SLC16A9: variants seen among roughly 807,000 people sequenced by gnomAD.
SLC16A9 encodes the protein solute carrier family 16 member 9, also known as monocarboxylate transporter 9.
SLC16A9 carries 26 observed loss-of-function variants against 44.3 expected under a neutral mutation model. That is an observed-to-expected ratio of 0.59 (90% confidence interval 0.43 to 0.81). The LOEUF (loss-of-function observed/expected upper bound fraction) is 0.81. Among genes scored for constraint, SLC16A9 ranks in the 40% least tolerant of loss-of-function variants. SLC16A9 has a pLI of 0.00. For synonymous variants in SLC16A9, 230 were observed against 225.1 expected, an observed-to-expected ratio of 1.02 and a Z score of -0.19; for missense variants, 559 against 595.8, an observed-to-expected ratio of 0.94 and a Z score of 0.64.
At chr10:59,676,446 T>C (rs1839858902) in intron 2 of SLC16A9, among the ~76,000 whole-genome samples, 1 of 152,194 alleles carries the variant, frequency 6.6e-6, no homozygotes, top group South Asian at 2.1e-4. Context: ...AAGGGCTACT[T>C]TCAGGAGATT....
chr10:59,679,418 A>G (rs1460003117), intron 2 of SLC16A9, among the ~76,000 whole-genome samples: 1 of 152,238 alleles, frequency 6.6e-6, no homozygotes, highest in Non-Finnish European at 1.5e-5. Context: ...CTAGGCAGCC[A>G]GACAATACCT....
rs1210007916 is a variant in SLC16A9, at chr10:59,651,858, A to G, written c.*914T>C. On this transcript the variant is annotated 3_prime_UTR_variant, in exon 6 of 6. Transcript: ENST00000395348. ...TCTGATAGTAGCAAATAAATGCTTC[A>G]CTGGGAGGATATGCAAGAACTTGCA... The G allele has an allele frequency of 6.6e-6, 1 of 152,144 alleles. No homozygotes were observed. The highest frequency in any genetic ancestry group is 2.4e-5 in the African/African-American group (1 of 41,414). The allele number at this position is 152,144 out of a possible 1,614,324, so 9.4% of individuals were successfully genotyped here. A position where few individuals can be genotyped will look rare whatever the true frequency, so the allele number is the denominator to read the frequency against.
intron 2 of SLC16A9, among the ~76,000 whole-genome samples, chr10:59,679,246 A>G (rs532064578): frequency 6.9e-4 from 105 of 152,320 alleles, no homozygotes; most frequent in Admixed American, 3.1e-3. Context: ...AGGGTGTGTT[A>G]GCTCATCTTA....
At chr10:59,690,181 C>G (rs1054392035) in intron 1 of SLC16A9, among the ~76,000 whole-genome samples, 4 of 151,974 alleles carry the variant, frequency 2.6e-5, no homozygotes, top group Non-Finnish European at 5.9e-5. Flanking sequence ...GATCAAGATG[C>G]TGTCTCAAAA....
intron 4 of SLC16A9, among the ~76,000 whole-genome samples, chr10:59,657,538 A>G (rs1194379518): frequency 6.6e-6 from 1 of 151,916 alleles, no homozygotes; most frequent in Non-Finnish European, 1.5e-5. Context: ...GAAACTGAAA[A>G]CTCCTTTAAA....
rs187881141 is a variant in SLC16A9 at position 59,669,099 on chromosome 10, G to A, written c.340+3671C>T. Among the ~76,000 whole-genome samples the A allele has an allele frequency of 1.8e-4, 27 of 152,218 alleles. No individual in the cohort carries two copies. The East Asian group carries it at 4.1e-3, about 23-fold the overall frequency. ...CCAAAAATCAGGAAGGGAATAATAA[G>A]AAAACCATAATCAGCTAGCTAAATA... On this transcript the variant is annotated intron_variant, in intron 3 of 5. Transcript: ENST00000395348.
intron 1 of SLC16A9, among the ~76,000 whole-genome samples, chr10:59,693,768 C>T (rs1045048693): frequency 6.6e-5 from 10 of 151,252 alleles, no homozygotes; most frequent in East Asian, 2.0e-4. Flanking sequence ...TACAGGCGCC[C>T]GCCACCACAC....
rs374460830 is a variant in SLC16A9, at chr10:59,652,724, G to C, written c.*48C>G. On this transcript the variant is annotated 3_prime_UTR_variant, in exon 6 of 6. Coordinates refer to ENST00000395348, the MANE Select transcript of SLC16A9 (RefSeq NM_194298.3). ...TTGCTTGAGAATCTGTTAAAATATC[G>C]TTGCTATATGGTATAAAATAGCAAA... 4.3e-5 allele frequency: 63 copies of C among 1,466,412 alleles called. No individual in the cohort carries two copies. Among genetic ancestry groups the C allele is most frequent in the Non-Finnish European group, 1.8e-6 (2 of 1,095,796 alleles). 90.8% of individuals were successfully genotyped at this position (1,466,412 alleles called of 1,614,324 possible). A position where few individuals can be genotyped will look rare whatever the true frequency, so the allele number is the denominator to read the frequency against.
chr10:59,668,652 T>C (rs1839678162), intron 3 of SLC16A9, among the ~76,000 whole-genome samples: 1 of 152,176 alleles, frequency 6.6e-6, no homozygotes, highest in African/African-American at 2.4e-5. Context: ...AAGATAGTTG[T>C]AAAAATTAAG....
Position 59,653,071 on chromosome 10 carries a change from C to G in SLC16A9, c.1352-121G>C, listed in dbSNP as rs1256935320. ...TAGTATATATATTACTCCACTACTT[C>G]CAGCGTGGTTTACTGGGAGTTAGAA... On this transcript the variant is annotated intron_variant, in intron 5 of 5. Coordinates refer to ENST00000395348, the MANE Select transcript of SLC16A9 (RefSeq NM_194298.3). 3 of 655,214 alleles carry G rather than the reference C, an allele frequency of 4.6e-6. No homozygotes were observed. In the African/African-American group the frequency reaches 5.7e-5, roughly 13 times the overall value. 40.6% of individuals were successfully genotyped at this position (655,214 alleles called of 1,614,324 possible). A position where few individuals can be genotyped will look rare whatever the true frequency, so the allele number is the denominator to read the frequency against.
intron 1 of SLC16A9, among the ~76,000 whole-genome samples, chr10:59,687,128 C>T (rs560170025): frequency 1.3e-5 from 2 of 152,192 alleles, no homozygotes; most frequent in Admixed American, 6.5e-5. Context: ...TGGTCTTGAA[C>T]CCCTGACCTC....
At chr10:59,682,483 C>A (rs1206505303) in intron 2 of SLC16A9, among the ~76,000 whole-genome samples, 1 of 152,120 alleles carries the variant, frequency 6.6e-6, no homozygotes, top group Non-Finnish European at 1.5e-5. Context: ...GCTCTGACCA[C>A]CAATGCCCAT....
In SLC16A9 at chr10:59,652,753, A is replaced by G; in HGVS notation, c.*19T>C. 1 of 1,587,806 alleles carries G rather than the reference A, an allele frequency of 6.3e-7. No individual in the cohort carries two copies. On this transcript the variant is annotated 3_prime_UTR_variant, in exon 6 of 6. Coordinates refer to ENST00000395348, the MANE Select transcript of SLC16A9 (RefSeq NM_194298.3). ...CTATATGGTATAAAATAGCAAAAAT[A>G]GTGTCTTCCAATATTCTTCTAAACA...
At chr10:59,653,444 A>AAAAAAAAAAAAAAC (rs1564693243) in intron 5 of SLC16A9, among the ~76,000 whole-genome samples, 2 of 149,022 alleles carry the variant, frequency 1.3e-5, no homozygotes, top group African/African-American at 2.5e-5. Flanking sequence ...AAAAAAAAAA[A>AAAAAAAAAAAAAAC]AGCAGGCATT....
At position 59,654,040 on chromosome 10, in the gene SLC16A9, T is replaced by C; in HGVS notation, c.986A>G (p.Asp329Gly). ...GGFPPSLLME[D>G]VARSSNVKEE... ...TTTCACGTTTGAACTTCTTGCTACATCTTCCATAAGTAATGAAGGTGGAAA... is the reference window on the plus strand; with the variant it reads ...TTTCACGTTTGAACTTCTTGCTACACCTTCCATAAGTAATGAAGGTGGAAA... Residue 329 changes from aspartate to glycine, a missense_variant, in exon 5 of 6, where the codon GAT becomes GGT. Asp to Gly is a moderately conservative substitution (Grantham distance 94). Transcript: ENST00000395348. 1 of 1,614,084 alleles carries C rather than the reference T, an allele frequency of 6.2e-7. No homozygotes were observed.
chr10:59,666,023 C>T (rs1039454044), intron 3 of SLC16A9, among the ~76,000 whole-genome samples: 5 of 151,922 alleles, frequency 3.3e-5, no homozygotes, highest in East Asian at 1.9e-4. Context: ...AGGCCAGGCA[C>T]GGTGGCTCAT....
chr10:59,663,633 A>G (rs1463457624), intron 4 of SLC16A9, among the ~76,000 whole-genome samples: 1 of 152,124 alleles, frequency 6.6e-6, no homozygotes, highest in East Asian at 1.9e-4. Context: ...CGGGAGGGAT[A>G]GCATTAGGAG....
intron 1 of SLC16A9, among the ~76,000 whole-genome samples, chr10:59,706,001 G>C (rs1490490515): frequency 6.6e-6 from 1 of 152,082 alleles, no homozygotes; most frequent in African/African-American, 2.4e-5. Flanking sequence ...AAACACACTA[G>C]ACTTCCTTAT....
chr10:59,680,787 C>T (rs905878695), intron 2 of SLC16A9, among the ~76,000 whole-genome samples: 1 of 151,906 alleles, frequency 6.6e-6, no homozygotes, highest in Admixed American at 6.6e-5. Context: ...TTGAGACCAG[C>T]CTGGGCCACA....
Sources: gnomAD v4.1 joint callset for allele counts (sites outside exome capture counted in the v4.1 genomes callset) on GRCh38, gnomAD v4.1.1 for gene constraint, MANE v1.5 for transcripts, NCBI Gene and HGNC (gene_info 2026-07-23, HGNC 2026-07-21) for gene names.